NT5DC3: variants seen among roughly 807,000 people sequenced by gnomAD.
NT5DC3 encodes 5'-nucleotidase domain-containing protein 3.
A neutral mutation model predicts 67.8 loss-of-function variants in NT5DC3; 42 were observed. That is an observed-to-expected ratio of 0.62 (90% CI 0.48 to 0.80). The LOEUF (loss-of-function observed/expected upper bound fraction) is 0.80. NT5DC3 is among the 30% of genes least tolerant of loss of function. The probability of loss-of-function intolerance (pLI) is 0.00; values close to 1 mark genes in which losing one functional copy is unlikely to be tolerated. For synonymous variants in NT5DC3, 237 were observed against 255.6 expected, an observed-to-expected ratio of 0.93 and a Z score of 0.69; for missense variants, 570 against 696.4, an observed-to-expected ratio of 0.82 and a Z score of 2.04.
intron 1 of NT5DC3, among the ~76,000 whole-genome samples, chr12:103,831,693 C>T (rs1342996873): frequency 1.3e-5 from 2 of 151,932 alleles, no homozygotes; most frequent in Non-Finnish European, 1.5e-5. Flanking sequence ...CCAGCAGGCA[C>T]GACCAATAAA....
At chr12:103,810,202 C>T (rs558046484) in intron 2 of NT5DC3, among the ~76,000 whole-genome samples, 3 of 152,288 alleles carry the variant, frequency 2.0e-5, no homozygotes, top group East Asian at 1.9e-4. Flanking sequence ...CTCTTCTAGT[C>T]GAACCATTTT....
At chr12:103,747,995 CA>C in the NT5DC3 span, among the ~76,000 whole-genome samples, 12,476 of 96,110 alleles carry the variant, frequency 0.13, 379 homozygotes, top group East Asian at 0.28. Context: ...ACTCTGTCTC[CA>C]AAAAAAAAAA....
At chr12:103,782,146 G>C (rs556264262) in intron 12 of NT5DC3, among the ~76,000 whole-genome samples, 1 of 152,212 alleles carries the variant, frequency 6.6e-6, no homozygotes, top group South Asian at 2.1e-4. Flanking sequence ...AAGGCAGGTG[G>C]ATCACTTGAG....
At chr12:103,749,289 G>A in the NT5DC3 span, 9 of 1,078,978 alleles carry the variant, frequency 8.3e-6, no homozygotes, top group South Asian at 2.0e-4. Context: ...TCTGTTTCTT[G>A]TTAAAAGTCA....
At chr12:103,840,922 C>T (rs1250410598) in intron 1 of NT5DC3, 27 bp downstream of exon 1, 6 of 1,313,976 alleles carry the variant, frequency 4.6e-6, no homozygotes, top group Non-Finnish European at 9.9e-7. Flanking sequence ...GCCCCAGGCG[C>T]CGGGGCGGGG....
At chr12:103,759,922 A>G in the NT5DC3 span, among the ~76,000 whole-genome samples, 1 of 152,234 alleles carries the variant, frequency 6.6e-6, no homozygotes, top group Non-Finnish European at 1.5e-5. Context: ...GAGCTTATTT[A>G]CTTTTTAAAG....
intron 13 of NT5DC3, among the ~76,000 whole-genome samples, 180 bp downstream of exon 13, chr12:103,780,120 T>C (rs1885487820): frequency 6.6e-6 from 1 of 152,160 alleles, no homozygotes; most frequent in South Asian, 2.1e-4. Context: ...TCAAGGAAAT[T>C]TGTCACATGT....
the NT5DC3 span, among the ~76,000 whole-genome samples, chr12:103,764,286 T>A: frequency 6.6e-6 from 1 of 152,210 alleles, no homozygotes; most frequent in Non-Finnish European, 1.5e-5. Flanking sequence ...ACACTGACAT[T>A]GTTGTCCAAG....
At chr12:103,820,658 T>C (rs1003706729) in intron 1 of NT5DC3, 1 of 152,206 alleles carries the variant, frequency 6.6e-6, no homozygotes, top group Non-Finnish European at 1.5e-5. Context: ...CAGAAATTCA[T>C]GGCCTGATTG....
At chr12:103,752,661 T>A in the NT5DC3 span, among the ~76,000 whole-genome samples, 4 of 152,324 alleles carry the variant, frequency 2.6e-5, no homozygotes, top group South Asian at 8.3e-4. Flanking sequence ...TTTTTATAGC[T>A]GTAAAGGTCA....
intron 2 of NT5DC3, among the ~76,000 whole-genome samples, chr12:103,814,511 T>C (rs1887164399): frequency 6.6e-6 from 1 of 152,204 alleles, no homozygotes; most frequent in Non-Finnish European, 1.5e-5. Flanking sequence ...TCAACAATAC[T>C]ACGTATCAGA....
intron 4 of NT5DC3, 130 bp downstream of exon 4, chr12:103,806,192 G>A: frequency 1.5e-6 from 1 of 677,556 alleles, no homozygotes; most frequent in East Asian, 2.7e-5. Context: ...AAATGCTCTT[G>A]AGTAAGTGAG....
chr12:103,829,025 C>T (rs550135040), intron 1 of NT5DC3, among the ~76,000 whole-genome samples: 1 of 152,120 alleles, frequency 6.6e-6, no homozygotes, highest in Non-Finnish European at 1.5e-5. Context: ...AGACTTTTAC[C>T]ACATACATGT....
intron 12 of NT5DC3, among the ~76,000 whole-genome samples, chr12:103,784,525 C>G (rs1213055802): frequency 6.6e-6 from 1 of 152,244 alleles, no homozygotes; most frequent in Non-Finnish European, 1.5e-5. Flanking sequence ...CAGGCATGGG[C>G]AATAGGCTGT....
Position 103,773,927 on chromosome 12 carries a change from T to A in NT5DC3, c.*3902A>T, listed in dbSNP as rs142741670. ...GTAGTCTGTAATATGCCCAAATCAG[T>A]AGCAAGTGGTTTATGTTACATAATA... On this transcript the variant is annotated 3_prime_UTR_variant, in exon 14 of 14. Coordinates refer to ENST00000392876, the MANE Select transcript of NT5DC3 (RefSeq NM_001031701.3). The A allele has an allele frequency of 1.3e-5, 2 of 152,588 alleles. No individual in the cohort carries two copies. The highest frequency in any genetic ancestry group is 4.8e-5 in the African/African-American group (2 of 41,432). 9.5% of individuals were successfully genotyped at this position (152,588 alleles called of 1,614,324 possible).
At chr12:103,780,506 C>T (rs1474141672) in intron 12 of NT5DC3, 142 bp from the exon 13 acceptor site, 1 of 707,304 alleles carries the variant, frequency 1.4e-6, no homozygotes, top group Non-Finnish European at 2.4e-6. Context: ...TGAAATAATA[C>T]ATTTTTCAGA....
At chr12:103,782,188 G>A (rs1000329733) in intron 12 of NT5DC3, among the ~76,000 whole-genome samples, 6 of 152,122 alleles carry the variant, frequency 3.9e-5, no homozygotes, top group African/African-American at 1.4e-4. Context: ...CGGCCAACAT[G>A]GTGAAACCCA....
At chr12:103,765,870 G>A (rs1174686784), downstream of NT5DC3, among the ~76,000 whole-genome samples, 1 of 152,090 alleles carries the variant, frequency 6.6e-6, no homozygotes, top group Non-Finnish European at 1.5e-5. Flanking sequence ...ACTCTCTCAG[G>A]CACTCAAGAG....
intron 13 of NT5DC3, among the ~76,000 whole-genome samples, chr12:103,779,656 T>C (rs143093512): frequency 6.6e-6 from 1 of 152,142 alleles, no homozygotes; most frequent in African/African-American, 2.4e-5. Context: ...GTAACCACTG[T>C]TTCCAAAGCT....
Sources: allele counts gnomAD v4.1 joint callset (sites outside exome capture counted in the v4.1 genomes callset), GRCh38; gene constraint gnomAD v4.1.1; transcripts MANE v1.5; gene names NCBI Gene and HGNC (gene_info 2026-07-23, HGNC 2026-07-21).